PGAP4: variants seen among roughly 807,000 people sequenced by gnomAD.
PGAP4 encodes GPI-N-acetylgalactosamine transferase PGAP4.
Under a neutral mutation model 28.2 loss-of-function variants are expected in PGAP4, and 12 were observed. The observed-to-expected ratio is 0.42, with a 90% CI of 0.27 to 0.69. PGAP4 has a LOEUF of 0.69. Ranked by LOEUF, PGAP4 falls within the 30% of genes least tolerant of loss-of-function variation. The pLI is 0.22. For missense variants in PGAP4, 425 were observed against 513.5 expected (o/e 0.83, Z 1.67); for synonymous variants, 205 against 211.8 (o/e 0.97, Z 0.28).
chr9:101,475,683 T>C lies in PGAP4; in HGVS notation c.*198A>G, dbSNP rs781749552. On this transcript the variant is annotated 3_prime_UTR_variant, in exon 2 of 2. Coordinates refer to ENST00000374848, the MANE Select transcript of PGAP4 (RefSeq NM_032342.3). ...CTGTGTGGAGGGAGAGGTCCGGACC[T>C]GTGGCAAACTGCTGCTCCTGCCAGG... is the stretch of plus-strand genomic sequence containing the variant. The C allele has an allele frequency of 1.5e-5, 9 of 614,034 alleles. No homozygotes were observed. The highest frequency in any genetic ancestry group is 2.6e-5 in the Non-Finnish European group (9 of 352,698). The allele number at this position is 614,034 out of a possible 1,614,324, so 38.0% of individuals were successfully genotyped here.
In PGAP4 at chr9:101,522,443, C is replaced by G. The variant is rs1039241874; in HGVS notation, c.-165+8905G>C. On this transcript the variant is annotated intron_variant, in intron 2 of 3. Coordinates refer to the PGAP4 transcript ENST00000374851. Reference sequence around the variant, plus strand: ...AAGATTGTGATATTTTCCTGTTGGACAAGGCCTTTTACCATTATATAATGT... The same window carrying G: ...AAGATTGTGATATTTTCCTGTTGGAGAAGGCCTTTTACCATTATATAATGT... 2.6e-4 allele frequency among the ~76,000 whole-genome samples: 40 copies of G among 152,244 alleles called. 2 individuals carry two copies. The highest frequency in any genetic ancestry group is 2.4e-3 in the Admixed American group (37 of 15,274).
At chr9:101,520,951 C>CT (rs1345560070) in intron 2 of PGAP4, among the ~76,000 whole-genome samples, 5 of 152,034 alleles carry the variant, frequency 3.3e-5, no homozygotes, top group Non-Finnish European at 7.4e-5. Context: ...TTGTTGAATA[C>CT]TTTTTTTGCA....
intron 1 of PGAP4, chr9:101,531,623 A>G (rs781496455): frequency 1.3e-5 from 2 of 152,232 alleles, no homozygotes; most frequent in African/African-American, 2.4e-5. Context: ...TAAAGTGTCA[A>G]TTGCTGACTA....
rs1337157875 is a variant in PGAP4, at chr9:101,487,027, C to G, written c.-156G>C. On this transcript the variant is annotated 5_prime_UTR_variant, in exon 1 of 2. Transcript: ENST00000374848. ...ATTGCCCAGGCTGGCTAGCTCATCC[C>G]GGTGGAGGCGCCATCTCCGGGGCCC... The G allele has an allele frequency of 1.3e-5, 2 of 152,330 alleles. No homozygotes were observed. The highest frequency in any genetic ancestry group is 2.9e-5 in the Non-Finnish European group (2 of 68,120). 9.4% of individuals were successfully genotyped at this position (152,330 alleles called of 1,614,324 possible).
At chr9:101,491,471 A>T (rs139970545), upstream of PGAP4, among the ~76,000 whole-genome samples, 889 of 152,240 alleles carry the variant, frequency 5.8e-3, 11 homozygotes, top group African/African-American at 0.02. Flanking sequence ...GAAATCATTC[A>T]GAATCTGTCC....
intron 2 of PGAP4, among the ~76,000 whole-genome samples, chr9:101,494,649 G>C (rs1184780671): frequency 2.0e-5 from 3 of 151,772 alleles, no homozygotes; most frequent in Non-Finnish European, 4.4e-5. Flanking sequence ...AAATCTGTGT[G>C]AGTACTTATT....
intron 1 of PGAP4, among the ~76,000 whole-genome samples, chr9:101,482,717 AG>A (rs1826521778): frequency 1.3e-5 from 2 of 152,164 alleles, no homozygotes; most frequent in African/African-American, 2.4e-5. Flanking sequence ...TTAGCTCAAA[AG>A]GTACCTCTTC....
rs1259577645 is a variant in PGAP4 at position 101,504,217 on chromosome 9, T to G, written c.-164-15017A>C. On this transcript the variant is annotated intron_variant, in intron 2 of 3. Coordinates refer to the PGAP4 transcript ENST00000374851. ...TGTGTGTGTGTGTGTTTGTTTTTTT[T>G]TTTTTTTTTTTTTTTTTTTTGGTTG... Among the ~76,000 whole-genome samples, 292 of 138,464 alleles carry G rather than the reference T, an allele frequency of 2.1e-3. 1 individual carries two copies. The highest frequency in any genetic ancestry group is 5.6e-3 in the East Asian group (26 of 4,648). The allele number at this position is 138,464 out of a possible 152,430, so 90.8% of individuals were successfully genotyped here.
At chr9:101,512,450 G>T (rs1461204653) in intron 2 of PGAP4, among the ~76,000 whole-genome samples, 3 of 152,112 alleles carry the variant, frequency 2.0e-5, no homozygotes, top group Non-Finnish European at 4.4e-5. Flanking sequence ...CCTTGTTCTT[G>T]CTCAAGCTAT....
At chr9:101,477,920 C>CG (rs543881312) in intron 1 of PGAP4, among the ~76,000 whole-genome samples, 16,895 of 148,598 alleles carry the variant, frequency 0.11, 1,034 homozygotes, top group Admixed American at 0.16. Flanking sequence ...AATGAGGGAG[C>CG]GGGGGGGGAA....
At position 101,476,208 on chromosome 9, in the gene PGAP4, G is replaced by C; in HGVS notation, c.885C>G (p.Leu295=). 2 of 1,614,158 alleles carry C rather than the reference G, an allele frequency of 1.2e-6. No homozygotes were observed. Among genetic ancestry groups the C allele is most frequent in the Non-Finnish European group, 1.7e-6 (2 of 1,180,024 alleles). The change falls in exon 2 of 2, where the codon CTC becomes CTG. Residue 295 remains leucine, a synonymous_variant. Coordinates refer to ENST00000374848, the MANE Select transcript of PGAP4 (RefSeq NM_032342.3). The surrounding 1 kb of genome is among the most constrained non-coding windows in gnomAD (Gnocchi z 7.0). The stretch of plus-strand genomic sequence containing the variant: ...GACCCATGCTATACAGGGAGAAGAA[G>C]AGCATTACAGGCCAGCTAAACCCTG... ...SRPGFSWPVM[L]FFSLYSMGLV...
chr9:101,522,980 A>G (rs538884454), intron 2 of PGAP4, among the ~76,000 whole-genome samples: 2 of 152,254 alleles, frequency 1.3e-5, no homozygotes, highest in South Asian at 2.1e-4. Context: ...TCCTTCCTAT[A>G]TGATGCTTAG....
In PGAP4 at chr9:101,477,047, G is replaced by A. The variant is rs200436453; in HGVS notation, c.46C>T (p.Arg16Trp). The A allele has an allele frequency of 4.4e-6, 7 of 1,608,832 alleles. No individual in the cohort carries two copies. Among genetic ancestry groups the A allele is most frequent in the Non-Finnish European group, 5.9e-6 (7 of 1,177,998 alleles). Residue 16 changes from arginine to tryptophan, a missense_variant, in exon 2 of 2, where the codon CGG becomes TGG. Coordinates refer to ENST00000374848, the MANE Select transcript of PGAP4 (RefSeq NM_032342.3). The stretch of plus-strand genomic sequence containing the variant: ...GCAGTGCTGCCCCAGGAGAGTCGCC[G>A]CAGCCTCCGGAGGAGCATGGCAGCT... ...SPAAMLLRRL[R>W]RLSWGSTAVQ...
intron 2 of PGAP4, among the ~76,000 whole-genome samples, chr9:101,503,263 G>A (rs1564099268): frequency 6.6e-6 from 1 of 152,078 alleles, no homozygotes; most frequent in Non-Finnish European, 1.5e-5. Flanking sequence ...CAAAGCAAAT[G>A]AAGGAAGTCT....
At chr9:101,518,205 G>T (rs1487475347) in intron 2 of PGAP4, among the ~76,000 whole-genome samples, 3 of 152,154 alleles carry the variant, frequency 2.0e-5, no homozygotes, top group Admixed American at 2.0e-4. Flanking sequence ...TGCTGCAAAG[G>T]ATATGATTTC....
Position 101,476,951 on chromosome 9 carries a change from G to A in PGAP4, c.142C>T (p.His48Tyr), listed in dbSNP as rs1253582306. Reference sequence around the variant, plus strand: ...CAATGGCGCAGATAGAAGTAAGAGTGTAGAAGTCGGTGACAGGCCAGGGGG... The same window carrying A: ...CAATGGCGCAGATAGAAGTAAGAGTATAGAAGTCGGTGACAGGCCAGGGGG... ...LAPLACHRLL[H>Y]SYFYLRHWHL... Residue 48 changes from histidine (H) to tyrosine (Y), a missense_variant, in exon 2 of 2, where the codon CAC becomes TAC. Transcript: ENST00000374848. This position sits in a 1 kb window ranked among gnomAD's most constrained non-coding sequence, Gnocchi z 7.0. 1.2e-6 allele frequency: 2 copies of A among 1,614,176 alleles called. No individual in the cohort carries two copies. Among genetic ancestry groups the A allele is most frequent in the South Asian group, 2.2e-5 (2 of 91,076 alleles).
chr9:101,512,265 G>A (rs182092174), intron 2 of PGAP4, among the ~76,000 whole-genome samples: 10 of 151,900 alleles, frequency 6.6e-5, no homozygotes, highest in South Asian at 2.1e-4. Context: ...TCCTCACCCC[G>A]CCCTGCCCGT....
intron 1 of PGAP4, among the ~76,000 whole-genome samples, chr9:101,482,166 A>C (rs181440859): frequency 4.3e-4 from 65 of 152,332 alleles, no homozygotes; most frequent in African/African-American, 1.5e-3. Context: ...AAGATACTTC[A>C]ACCAGGCGCG....
chr9:101,481,658 TACA>T (rs1028714713), intron 1 of PGAP4, among the ~76,000 whole-genome samples: 3 of 152,150 alleles, frequency 2.0e-5, no homozygotes, highest in African/African-American at 7.2e-5. Context: ...TAAATGGAGC[TACA>T]ACAATAGTTA....
Sources: gnomAD v4.1 joint callset for allele counts (sites outside exome capture counted in the v4.1 genomes callset) on GRCh38, gnomAD v4.1.1 for gene constraint, Gnocchi (gnomAD v3.1) non-coding constraint, MANE v1.5 for transcripts, NCBI Gene and HGNC (gene_info 2026-07-23, HGNC 2026-07-21) for gene names.